Variants in CTNNA2 observed in about 807,000 individuals in gnomAD.
CTNNA2 encodes catenin alpha-2.
A neutral mutation model predicts 101.0 loss-of-function variants in CTNNA2; 42 were observed. The observed-to-expected ratio is 0.42, with a 90% CI of 0.32 to 0.54. The LOEUF (loss-of-function observed/expected upper bound fraction) is 0.54. Among genes scored for constraint, CTNNA2 ranks in the 20% least tolerant of loss-of-function variants. CTNNA2 has a pLI of 0.14. For missense variants in CTNNA2, 871 were observed against 1,223.1 expected, an observed-to-expected ratio of 0.71 and a Z score of 4.29; for synonymous variants, 450 against 456.4, an observed-to-expected ratio of 0.99 and a Z score of 0.18.
chr2:80,321,746 C>T (rs1678714590), intron 7 of CTNNA2, among the ~76,000 whole-genome samples: 1 of 152,102 alleles, frequency 6.6e-6, no homozygotes, highest in South Asian at 2.1e-4. Context: ...TACTTGTGGG[C>T]TCTGATGAAT....
chr2:80,352,883 T>G (rs1020262426), intron 7 of CTNNA2, among the ~76,000 whole-genome samples: 8 of 152,002 alleles, frequency 5.3e-5, no homozygotes, highest in Non-Finnish European at 1.2e-4. Context: ...CCACTGTAAT[T>G]TCCCATGAAT....
chr2:79,254,987 A>G (rs1405222269), intron 2 of CTNNA2, among the ~76,000 whole-genome samples: 18 of 152,188 alleles, frequency 1.2e-4, no homozygotes, highest in Admixed American at 1.2e-3. Flanking sequence ...TAGCTGAAGC[A>G]GAATCACCCT....
At chr2:80,087,109 T>C (rs1468558038) in intron 7 of CTNNA2, among the ~76,000 whole-genome samples, 1 of 151,968 alleles carries the variant, frequency 6.6e-6, no homozygotes, top group Non-Finnish European at 1.5e-5. Context: ...GTAACAATTG[T>C]TAGGCCTGTT....
chr2:80,336,045 G>C (rs1671741135), intron 7 of CTNNA2, among the ~76,000 whole-genome samples: 1 of 152,132 alleles, frequency 6.6e-6, no homozygotes, highest in Admixed American at 6.5e-5. Flanking sequence ...AAATTGTATA[G>C]TGCACACCCA....
Position 80,036,842 on chromosome 2 carries a change from TGTGTGTGAGAGAGAGAGA to T in CTNNA2, c.1056+127047_1056+127064del, listed in dbSNP as rs1302921175. Among the ~76,000 whole-genome samples, 600 of 79,790 alleles carry T rather than the reference TGTGTGTGAGAGAGAGAGA, an allele frequency of 7.5e-3. 2 individuals are homozygous for T. The highest frequency in any genetic ancestry group is 0.015 in the African/African-American group (371 of 25,348). The allele number at this position is 79,790 out of a possible 152,430, so 52.3% of individuals were successfully genotyped here. A position where few individuals can be genotyped will look rare whatever the true frequency, so the allele number is the denominator to read the frequency against. ...GTGTGTTTGTGTGTGTGTGTGTGTG[TGTGTGTGAGAGAGAGAGA>T]GAGAGAGAGAGAGAGAGAAGAGGAA... is the stretch of plus-strand genomic sequence containing the variant. On this transcript the variant is annotated intron_variant, in intron 7 of 18. Transcript: ENST00000402739.
At chr2:79,871,081 A>G (rs922485833) in intron 5 of CTNNA2, among the ~76,000 whole-genome samples, 3 of 152,160 alleles carry the variant, frequency 2.0e-5, no homozygotes. Flanking sequence ...ATGTGGAAGG[A>G]TCTCCTAAAA....
At chr2:80,399,913 C>T (rs1303333765) in intron 8 of CTNNA2, among the ~76,000 whole-genome samples, 1 of 152,166 alleles carries the variant, frequency 6.6e-6, no homozygotes, top group Non-Finnish European at 1.5e-5. Flanking sequence ...ATAGAATGCC[C>T]TTTCAGTTTA....
At chr2:80,465,212 A>G (rs576149663) in intron 9 of CTNNA2, among the ~76,000 whole-genome samples, 2 of 152,274 alleles carry the variant, frequency 1.3e-5, no homozygotes, top group South Asian at 2.1e-4. Flanking sequence ...TCCTGCTCCA[A>G]TTACAGTGAA....
chr2:79,818,824 TATATATA>T lies in CTNNA2; in HGVS notation c.299-39188_299-39182del, dbSNP rs1558549172. Reference sequence around the variant, plus strand: ...TACTTCAGGATCCAAAATGCAATTATATATATATATATATATATATATATGGATGTAT... The same window carrying T: ...TACTTCAGGATCCAAAATGCAATTATTATATATATATATATATGGATGTAT... On this transcript the variant is annotated intron_variant, in intron 3 of 18. Coordinates refer to ENST00000402739, the MANE Select transcript of CTNNA2 (RefSeq NM_001282597.3). Among the ~76,000 whole-genome samples, 285 of 117,618 alleles carry T rather than the reference TATATATA, an allele frequency of 2.4e-3. 21 individuals carry two copies. Among genetic ancestry groups the T allele is most frequent in the African/African-American group, 8.3e-3 (267 of 32,030 alleles). 77.2% of individuals were successfully genotyped at this position (117,618 alleles called of 152,430 possible). A position where few individuals can be genotyped will look rare whatever the true frequency, so the allele number is the denominator to read the frequency against.
chr2:79,649,111 T>C (rs1259598020), intron 1 of CTNNA2, among the ~76,000 whole-genome samples: 3 of 152,076 alleles, frequency 2.0e-5, no homozygotes, highest in Non-Finnish European at 4.4e-5. Context: ...CTTGAGATCT[T>C]TGTTTAAGGA....
intron 1 of CTNNA2, among the ~76,000 whole-genome samples, chr2:79,637,551 C>T (rs986299765): frequency 1.3e-5 from 2 of 152,144 alleles, no homozygotes; most frequent in Non-Finnish European, 2.9e-5. Context: ...GATCCATTAT[C>T]TGTTCACTTT....
At chr2:79,815,090 A>T (rs150462227) in intron 3 of CTNNA2, among the ~76,000 whole-genome samples, 318 of 152,148 alleles carry the variant, frequency 2.1e-3, no homozygotes, top group African/African-American at 7.4e-3. Flanking sequence ...AGAGTTGTCT[A>T]TTCATGTCCT....
At chr2:79,516,534 G>A (rs1671816910) in intron 1 of CTNNA2, among the ~76,000 whole-genome samples, 1 of 152,150 alleles carries the variant, frequency 6.6e-6, no homozygotes, top group Non-Finnish European at 1.5e-5. Flanking sequence ...GGAAGATTTG[G>A]CATACAGGTG....
chr2:80,079,887 A>AAATAAAATAAAATAAAATAAAATAAAAT (rs1558788215), intron 7 of CTNNA2, among the ~76,000 whole-genome samples: 1 of 136,950 alleles, frequency 7.3e-6, no homozygotes, highest in African/African-American at 3.1e-5. Flanking sequence ...TAAAATAATA[A>AAATAAAATAAAATAAAATAAAATAAAAT]AATAAAATAA....
chr2:80,121,015 G>T (rs981061502), intron 7 of CTNNA2, among the ~76,000 whole-genome samples: 1 of 152,178 alleles, frequency 6.6e-6, no homozygotes, highest in Non-Finnish European at 1.5e-5. Flanking sequence ...ACTCTCTGGG[G>T]CATGTGAAAA....
chr2:79,286,527 G>C (rs1205491983), intron 2 of CTNNA2, among the ~76,000 whole-genome samples: 1 of 151,594 alleles, frequency 6.6e-6, no homozygotes, highest in Non-Finnish European at 1.5e-5. Flanking sequence ...TAGTTTGGCT[G>C]GATATGAAAT....
chr2:80,586,871 A>G (rs1275250998), intron 14 of CTNNA2, among the ~76,000 whole-genome samples: 2 of 152,200 alleles, frequency 1.3e-5, no homozygotes, highest in African/African-American at 4.8e-5. Flanking sequence ...GGCTACTAGT[A>G]AGAAGCATCT....
intron 7 of CTNNA2, among the ~76,000 whole-genome samples, chr2:80,363,519 A>G (rs954603838): frequency 3.9e-5 from 6 of 152,110 alleles, no homozygotes; most frequent in Non-Finnish European, 7.4e-5. Flanking sequence ...TCAGACATGG[A>G]ATTCATCACC....
At chr2:79,593,488 T>G (rs1262869529) in intron 1 of CTNNA2, among the ~76,000 whole-genome samples, 1 of 152,152 alleles carries the variant, frequency 6.6e-6, no homozygotes, top group African/African-American at 2.4e-5. Context: ...TTCTTTCCAC[T>G]TGGTCTAGTT....
Sources: allele counts gnomAD v4.1 joint callset (sites outside exome capture counted in the v4.1 genomes callset), GRCh38; gene constraint gnomAD v4.1.1; transcripts MANE v1.5; gene names NCBI Gene and HGNC (gene_info 2026-07-23, HGNC 2026-07-21).